Variants in EBF3 observed in about 807,000 individuals in gnomAD.
The protein encoded by EBF3 is EBF transcription factor 3.
EBF3 carries 18 observed loss-of-function variants against 77.1 expected under a neutral mutation model. The ratio of observed to expected loss-of-function variants is 0.23; its 90% CI spans 0.16 to 0.35. The LOEUF is 0.35. EBF3 is among the 10% of genes least tolerant of loss of function. EBF3 has a pLI of 1.00. For synonymous variants in EBF3, 350 were observed against 343.5 expected (o/e 1.02, Z -0.21); for missense variants, 558 against 860.0 (o/e 0.65, Z 4.39).
chr10:129,874,056 A>T (rs886462940), intron 7 of EBF3, among the ~76,000 whole-genome samples: 8 of 152,214 alleles, frequency 5.3e-5, no homozygotes, highest in African/African-American at 1.9e-4. Context: ...AAGGCTTCAT[A>T]AATCAGGAAC....
chr10:129,939,139 C>T (rs1008166433), intron 6 of EBF3, among the ~76,000 whole-genome samples: 19 of 152,328 alleles, frequency 1.2e-4, no homozygotes, highest in Admixed American at 9.8e-4. Flanking sequence ...CAGTGGCACA[C>T]ACAGCCTTCA....
At chr10:129,910,975 C>G (rs1855488322) in intron 6 of EBF3, among the ~76,000 whole-genome samples, 1 of 152,232 alleles carries the variant, frequency 6.6e-6, no homozygotes, top group African/African-American at 2.4e-5. Context: ...CCACACAGAG[C>G]TCAGCGCGGA....
chr10:129,882,766 A>T (rs144635233), intron 6 of EBF3, among the ~76,000 whole-genome samples: 32 of 152,338 alleles, frequency 2.1e-4, no homozygotes, highest in African/African-American at 7.7e-4. Context: ...CATGTAGCTA[A>T]GAACGTATCC....
chr10:129,916,920 G>A (rs544245630), intron 6 of EBF3, among the ~76,000 whole-genome samples: 1 of 152,292 alleles, frequency 6.6e-6, no homozygotes, highest in East Asian at 1.9e-4. Flanking sequence ...GAGGGCTAGT[G>A]ACCCCCAAAG....
rs1853536876 is a variant in EBF3 at position 129,885,840 on chromosome 10, T to C, written c.555-7991A>G. On this transcript the variant is annotated intron_variant, in intron 6 of 16. Transcript: ENST00000440978. This position sits in a 1 kb window ranked among gnomAD's most constrained non-coding sequence, Gnocchi z 4.0. Reference sequence around the variant, plus strand: ...CTTGTTGCCAGCTCCAGGGGAGGCTTTTACAGGTTATGCAGAGATTAAGTG... The same window carrying C: ...CTTGTTGCCAGCTCCAGGGGAGGCTCTTACAGGTTATGCAGAGATTAAGTG... 6.6e-6 allele frequency among the ~76,000 whole-genome samples: 1 copy of C among 152,076 alleles called. No individual in the cohort carries two copies. Among genetic ancestry groups the C allele is most frequent in the Non-Finnish European group, 1.5e-5 (1 of 68,008 alleles).
chr10:129,836,636 T>TG lies in EBF3; in HGVS notation c.*1306_*1307insC, dbSNP rs34421686. On this transcript the variant is annotated 3_prime_UTR_variant, in exon 17 of 17. Coordinates refer to ENST00000440978, the MANE Select transcript of EBF3 (RefSeq NM_001375380.1). ...GATGGAAAGTCTAAACAATAGCATA[T>TG]TTTTTGAAGTACAAATGAAATGTAA... The TG allele has an allele frequency of 1.1e-5, 1 of 89,394 alleles. No homozygotes were observed. Among genetic ancestry groups the TG allele is most frequent in the Non-Finnish European group, 2.0e-5 (1 of 50,930 alleles). 5.5% of individuals were successfully genotyped at this position (89,394 alleles called of 1,614,324 possible). A position where few individuals can be genotyped will look rare whatever the true frequency, so the allele number is the denominator to read the frequency against.
intron 6 of EBF3, among the ~76,000 whole-genome samples, chr10:129,920,408 G>A (rs912948923): frequency 5.3e-5 from 8 of 152,068 alleles, no homozygotes; most frequent in African/African-American, 1.4e-4. Flanking sequence ...ACCCCGCTGT[G>A]TGATCTAGGG....
chr10:129,858,931 T>C (rs1417943773), intron 10 of EBF3, among the ~76,000 whole-genome samples: 1 of 152,196 alleles, frequency 6.6e-6, no homozygotes, highest in Non-Finnish European at 1.5e-5. Flanking sequence ...CCAAGATGAT[T>C]TGCACCAATG....
intron 11 of EBF3, among the ~76,000 whole-genome samples, chr10:129,844,974 C>T (rs941639383): frequency 6.6e-6 from 1 of 152,184 alleles, no homozygotes; most frequent in African/African-American, 2.4e-5. Flanking sequence ...ATTAAGATTG[C>T]TGCATTTACA....
In EBF3 at chr10:129,842,240, G is replaced by T; in HGVS notation, c.1248C>A (p.Pro416=). Residue 416 remains proline, a synonymous_variant, in exon 13 of 17, where the codon CCC becomes CCA. Coordinates refer to ENST00000440978, the MANE Select transcript of EBF3 (RefSeq NM_001375380.1). The surrounding 1 kb of genome is among the most constrained non-coding windows in gnomAD (Gnocchi z 4.4). ...GGGTGGGGATCTGGTTGTGATTGCG[G>T]GGAACGCTGTACAGCGCCTCGGCGA... ...ADIAEALYSV[P]RNHNQIPTLG... The T allele has an allele frequency of 6.2e-7, 1 of 1,613,946 alleles. No individual in the cohort carries two copies. The highest frequency in any genetic ancestry group is 8.5e-7 in the Non-Finnish European group (1 of 1,179,944).
rs141973685 is a variant in EBF3 at position 129,873,594 on chromosome 10, A to C, written c.639T>G (p.Val213=). The change falls in exon 8 of 17, where the codon GTT becomes GTG. Residue 213 remains valine (V), a splice_region_variant and synonymous_variant. Transcript: ENST00000440978. ...GNPRDMRRFQ[V]VVSTTVNVDG... ...CCACGTTGACTGTTGTCGATACAAC[A>C]ACCTGCAAAGATGAAGTGGATTTGA... 9.7e-4 allele frequency: 1,490 copies of C among 1,534,152 alleles called. No homozygotes were observed. The highest frequency in any genetic ancestry group is 1.2e-3 in the Non-Finnish European group (1,361 of 1,138,310).
chr10:129,912,240 T>C (rs1268327752), intron 6 of EBF3, among the ~76,000 whole-genome samples: 2 of 152,108 alleles, frequency 1.3e-5, no homozygotes, highest in Non-Finnish European at 2.9e-5. Context: ...CCCGGAACCC[T>C]AGGAAGGGCC....
chr10:129,869,738 A>G (rs1403115288), intron 8 of EBF3, among the ~76,000 whole-genome samples: 1 of 152,146 alleles, frequency 6.6e-6, no homozygotes, highest in African/African-American at 2.4e-5. Flanking sequence ...AGCGGGGGTT[A>G]TATTTGCTCA....
At chr10:129,924,017 G>T (rs938670840) in intron 6 of EBF3, among the ~76,000 whole-genome samples, 1 of 152,230 alleles carries the variant, frequency 6.6e-6, no homozygotes, top group African/African-American at 2.4e-5. Flanking sequence ...AATGGCCGAT[G>T]TATGTCTTCT....
intron 5 of EBF3, among the ~76,000 whole-genome samples, chr10:129,957,915 T>G (rs558990623): frequency 2.0e-5 from 3 of 152,358 alleles, no homozygotes; most frequent in Non-Finnish European, 4.4e-5. Flanking sequence ...CATACTTGTA[T>G]AATGGTTACA....
intron 11 of EBF3, among the ~76,000 whole-genome samples, chr10:129,844,576 C>A (rs1850321309): frequency 6.6e-6 from 1 of 152,142 alleles, no homozygotes; most frequent in Admixed American, 6.5e-5. Flanking sequence ...CCCATCTCCC[C>A]CAACATGCCG....
intron 6 of EBF3, among the ~76,000 whole-genome samples, chr10:129,942,665 G>A (rs570655981): frequency 2.6e-5 from 4 of 152,324 alleles, no homozygotes; most frequent in East Asian, 1.9e-4. Flanking sequence ...GCTCTTTTAC[G>A]CATGCCACGA....
At chr10:129,889,400 GCAGCTCCTGC>G (rs753378333) in intron 6 of EBF3, among the ~76,000 whole-genome samples, 6 of 152,256 alleles carry the variant, frequency 3.9e-5, no homozygotes, top group Non-Finnish European at 8.8e-5. Context: ...TGGGCTGGGA[GCAGCTCCTGC>G]CTGCAACACA....
At chr10:129,862,001 C>A (rs1240327026) in intron 10 of EBF3, among the ~76,000 whole-genome samples, 1 of 152,136 alleles carries the variant, frequency 6.6e-6, no homozygotes. Context: ...CACTTAAGAA[C>A]CATGAGTGCT....
Sources: allele counts gnomAD v4.1 joint callset (sites outside exome capture counted in the v4.1 genomes callset), GRCh38; gene constraint gnomAD v4.1.1; non-coding constraint Gnocchi (gnomAD v3.1); transcripts MANE v1.5; gene names NCBI Gene and HGNC (gene_info 2026-07-23, HGNC 2026-07-21).